ARHGAP29: variants seen among roughly 807,000 people sequenced by gnomAD.
The protein encoded by ARHGAP29 is rho GTPase-activating protein 29.
A neutral mutation model predicts 122.6 loss-of-function variants in ARHGAP29; 43 were observed. That is an observed-to-expected ratio of 0.35 (90% CI 0.27 to 0.45). The LOEUF (loss-of-function observed/expected upper bound fraction) is 0.45. Among genes scored for constraint, ARHGAP29 ranks in the 20% least tolerant of loss-of-function variants. The pLI, the probability that ARHGAP29 is intolerant of heterozygous loss-of-function variation, is 1.00. For missense variants in ARHGAP29, 1,303 were observed against 1,477.2 expected, an observed-to-expected ratio of 0.88 and a Z score of 1.93; for synonymous variants, 506 against 497.1, an observed-to-expected ratio of 1.02 and a Z score of -0.24.
At chr1:94,228,986 GA>G (rs1283927065) in intron 2 of ARHGAP29, among the ~76,000 whole-genome samples, 1 of 151,698 alleles carries the variant, frequency 6.6e-6, no homozygotes, top group Non-Finnish European at 1.5e-5. Flanking sequence ...TAACAAACGT[GA>G]ATTAAAAGGT....
At chr1:94,264,336 G>T (rs996439871) in intron 1 of ARHGAP29, among the ~76,000 whole-genome samples, 1 of 152,054 alleles carries the variant, frequency 6.6e-6, no homozygotes, top group Non-Finnish European at 1.5e-5. Flanking sequence ...CATGGTTGGT[G>T]CTCAACCATC....
At chr1:94,203,321 G>A in intron 8 of ARHGAP29, 111 bp from the exon 9 acceptor site, 3 of 617,714 alleles carry the variant, frequency 4.9e-6, no homozygotes, top group Non-Finnish European at 7.8e-6. Context: ...TTTGCCCCCA[G>A]AAAAATAACT....
intron 1 of ARHGAP29, among the ~76,000 whole-genome samples, chr1:94,272,067 G>A (rs1442905847): frequency 2.6e-5 from 4 of 152,170 alleles, no homozygotes; most frequent in Non-Finnish European, 5.9e-5. Flanking sequence ...TTATAAGTGT[G>A]AAAGGTCACA....
At chr1:94,190,232 A>AT (rs1650056068) in intron 12 of ARHGAP29, 149 bp from the exon 13 acceptor site, 1 of 749,324 alleles carries the variant, frequency 1.3e-6, no homozygotes, top group African/African-American at 1.8e-5. Flanking sequence ...ATGATGCCTG[A>AT]TTTTGCATAA....
chr1:94,202,442 A>G (rs1650904530), intron 11 of ARHGAP29, 102 bp downstream of exon 11: 13 of 1,394,494 alleles, frequency 9.3e-6, no homozygotes, highest in Non-Finnish European at 1.3e-5. Context: ...ATGTTTTAAC[A>G]TGCCTTTCCA....
intron 12 of ARHGAP29, among the ~76,000 whole-genome samples, chr1:94,196,380 G>C (rs1421921323): frequency 1.4e-5 from 2 of 144,610 alleles, no homozygotes; most frequent in Non-Finnish European, 3.0e-5. Context: ...TCCTGCCTCA[G>C]CCTCCCGAGT....
chr1:94,290,786 G>T, the ARHGAP29 span, among the ~76,000 whole-genome samples: 4 of 152,228 alleles, frequency 2.6e-5, no homozygotes, highest in Admixed American at 1.3e-4. Context: ...TGGTCTGAGA[G>T]AGAGTTTGTT....
intron 1 of ARHGAP29, among the ~76,000 whole-genome samples, chr1:94,235,491 G>A (rs761468030): frequency 6.6e-6 from 1 of 152,166 alleles, no homozygotes; most frequent in Non-Finnish European, 1.5e-5. Context: ...GTGCTTTATT[G>A]TGGGAAATTG....
rs897163126 is a variant in ARHGAP29, at chr1:94,178,629, C to G, written c.2481-462G>C. 4.6e-5 allele frequency among the ~76,000 whole-genome samples: 7 copies of G among 152,128 alleles called. 1 individual carries two copies. Among genetic ancestry groups the G allele is most frequent in the Admixed American group, 3.9e-4 (6 of 15,274 alleles). On this transcript the variant is annotated intron_variant, in intron 20 of 22. Coordinates refer to ENST00000260526, the MANE Select transcript of ARHGAP29 (RefSeq NM_004815.4). The stretch of plus-strand genomic sequence containing the variant: ...ACCACCTTTTATTTCTATGATTATT[C>G]AAGGAGATCTGAATTGTAATAAAGG...
intron 1 of ARHGAP29, among the ~76,000 whole-genome samples, chr1:94,266,847 A>G (rs961760072): frequency 6.6e-6 from 1 of 152,174 alleles, no homozygotes; most frequent in Non-Finnish European, 1.5e-5. Context: ...AAAACCAATC[A>G]TTATCTCCTA....
Position 94,203,978 on chromosome 1 carries a change from T to A in ARHGAP29, c.714A>T (p.Arg238Ser). The A allele has an allele frequency of 6.2e-7, 1 of 1,613,842 alleles. No individual in the cohort carries two copies. The highest frequency in any genetic ancestry group is 8.5e-7 in the Non-Finnish European group (1 of 1,179,930). Residue 238 changes from arginine (R) to serine (S), a missense_variant, in exon 8 of 23, where the codon AGA (arginine) becomes AGT (serine). Arg to Ser is a moderately radical substitution (Grantham distance 110). This residue lies in a region of ARHGAP29 where 592 missense variants were observed against 648.2 expected (regional missense o/e 0.91). Coordinates refer to ENST00000260526, the MANE Select transcript of ARHGAP29 (RefSeq NM_004815.4). ...KKLNLELEST[R>S]NMVKLAEATR... ...TTGCCTCTGCCAACTTGACCATATT[T>A]CTAGTGGACTCCAATTCTGAAAAGT...
chr1:94,183,166 T>C (rs927312959), intron 19 of ARHGAP29, among the ~76,000 whole-genome samples: 6 of 151,374 alleles, frequency 4.0e-5, no homozygotes, highest in African/African-American at 7.3e-5. Context: ...CTGTGTACTC[T>C]ATAAATATGT....
At chr1:94,220,732 TATA>T (rs763629002) in intron 2 of ARHGAP29, among the ~76,000 whole-genome samples, 3 of 149,134 alleles carry the variant, frequency 2.0e-5, no homozygotes, top group Non-Finnish European at 4.4e-5. Flanking sequence ...TTTACTATCA[TATA>T]TTTTTTAACA....
intron 1 of ARHGAP29, among the ~76,000 whole-genome samples, chr1:94,232,563 T>G (rs996208010): frequency 3.3e-5 from 5 of 152,206 alleles, no homozygotes; most frequent in African/African-American, 1.2e-4. Context: ...GAATTTAGAT[T>G]TGAATCCTGG....
At chr1:94,202,808 G>T in intron 10 of ARHGAP29, 76 bp from the exon 11 acceptor site, 2 of 1,550,676 alleles carry the variant, frequency 1.3e-6, no homozygotes, top group Non-Finnish European at 1.7e-6. Context: ...TATTCAGCAA[G>T]ATAGTTAAGA....
chr1:94,226,294 A>G (rs905137486), intron 2 of ARHGAP29, among the ~76,000 whole-genome samples: 1 of 152,064 alleles, frequency 6.6e-6, no homozygotes, highest in African/African-American at 2.4e-5. Flanking sequence ...TTCAGCTACC[A>G]GGGATTATGA....
intron 1 of ARHGAP29, among the ~76,000 whole-genome samples, chr1:94,256,954 A>G (rs1654383056): frequency 6.6e-6 from 1 of 152,076 alleles, no homozygotes; most frequent in African/African-American, 2.4e-5. Context: ...TCCTATAGGT[A>G]TATACTTTTC....
intron 13 of ARHGAP29, 68 bp downstream of exon 13, chr1:94,189,858 C>A (rs1650030751): frequency 1.3e-6 from 2 of 1,502,002 alleles, no homozygotes; most frequent in Non-Finnish European, 1.8e-6. Context: ...CCTCCTTGTA[C>A]TAGATAGAAA....
At chr1:94,265,390 G>A (rs1654730540) in intron 1 of ARHGAP29, among the ~76,000 whole-genome samples, 1 of 152,236 alleles carries the variant, frequency 6.6e-6, no homozygotes, top group African/African-American at 2.4e-5. Context: ...CAGAAGCTAT[G>A]TGGATAGGAT....
Sources: gnomAD v4.1 joint callset for allele counts (sites outside exome capture counted in the v4.1 genomes callset) on GRCh38, gnomAD v4.1.1 for gene constraint, gnomAD v4.1.1 regional missense constraint, MANE v1.5 for transcripts, NCBI Gene and HGNC (gene_info 2026-07-23, HGNC 2026-07-21) for gene names.